The following WFS1 variants were observed in gnomAD, a reference collection of about 807,000 sequenced individuals.
The protein encoded by WFS1 is wolframin.
WFS1 carries 90 observed loss-of-function variants against 68.5 expected under a neutral mutation model. The ratio of observed to expected loss-of-function variants is 1.31; its 90% CI spans 1.11 to 1.56. The LOEUF (loss-of-function observed/expected upper bound fraction) is 1.56, where lower values mean the gene tolerates loss of function less well. Ranked by LOEUF, WFS1 falls within the 40% of genes most tolerant of loss-of-function variation. The pLI, the probability that WFS1 is intolerant of heterozygous loss-of-function variation, is 0.00. For synonymous variants in WFS1, 860 were observed against 540.7 expected (o/e 1.59, Z -8.19); for missense variants, 1,767 against 1,232.6 (o/e 1.43, Z -6.49).
intron 7 of WFS1, among the ~76,000 whole-genome samples, chr4:6,295,523 C>T (rs943792730): frequency 2.6e-5 from 4 of 152,218 alleles, no homozygotes; most frequent in Non-Finnish European, 2.9e-5. Flanking sequence ...TAGACTTCAT[C>T]ACTTAGCAGA....
At chr4:6,298,289 C>CCAAA (rs897995518) in intron 7 of WFS1, among the ~76,000 whole-genome samples, 3 of 152,190 alleles carry the variant, frequency 2.0e-5, no homozygotes, top group Non-Finnish European at 1.5e-5. Context: ...GGGGCTTGCC[C>CCAAA]CAAACAAACC....
rs550806773 is a variant in WFS1 at position 6,294,750 on chromosome 4, G to A, written c.713-291G>A. On this transcript the variant is annotated intron_variant, in intron 6 of 7. Transcript: ENST00000226760. Reference sequence around the variant, plus strand: ...ACTGGGTGAAAGGTGTGGGTGAGTGGCCCCAGGCATAAGGAGCTAGGCAGA... The same window carrying A: ...ACTGGGTGAAAGGTGTGGGTGAGTGACCCCAGGCATAAGGAGCTAGGCAGA... 13 of 441,018 alleles carry A rather than the reference G, an allele frequency of 2.9e-5. 1 individual carries two copies. Among genetic ancestry groups the A allele is most frequent in the South Asian group, 2.7e-4 (13 of 48,572 alleles). 27.3% of individuals were successfully genotyped at this position (441,018 alleles called of 1,614,324 possible).
At chr4:6,295,327 C>T (rs1318772104) in intron 7 of WFS1, 138 bp downstream of exon 7, 4 of 1,023,080 alleles carry the variant, frequency 3.9e-6, no homozygotes, top group Non-Finnish European at 5.8e-6. Context: ...GCCGCTGGTA[C>T]CTTTGGGTCA....
chr4:6,302,546 T>C lies in WFS1; in HGVS notation c.*78T>C, dbSNP rs556906228. ...CAGTGTGGCCCCAGCCCGACAGGCATGCACCAGTGCCGCCTGTGCCCACGT... is the reference window on the plus strand; with the variant it reads ...CAGTGTGGCCCCAGCCCGACAGGCACGCACCAGTGCCGCCTGTGCCCACGT... On this transcript the variant is annotated 3_prime_UTR_variant, in exon 8 of 8. Coordinates refer to ENST00000226760, the MANE Select transcript of WFS1 (RefSeq NM_006005.3). 2 of 1,592,224 alleles carry C rather than the reference T, an allele frequency of 1.3e-6. No individual in the cohort carries two copies. The highest frequency in any genetic ancestry group is 1.7e-5 in the Admixed American group (1 of 59,552).
At chr4:6,282,488 G>A (rs1349004183) in intron 2 of WFS1, among the ~76,000 whole-genome samples, 1 of 152,240 alleles carries the variant, frequency 6.6e-6, no homozygotes, top group African/African-American at 2.4e-5. Context: ...GGGAGGGAGA[G>A]GGCAGCAGCA....
At chr4:6,279,182 C>G (rs953637425) in intron 2 of WFS1, among the ~76,000 whole-genome samples, 2 of 152,244 alleles carry the variant, frequency 1.3e-5, no homozygotes, top group African/African-American at 4.8e-5. Context: ...CCCAGGGTCC[C>G]TGCCAGTAGC....
At chr4:6,284,602 G>T (rs984018155) in intron 2 of WFS1, among the ~76,000 whole-genome samples, 1 of 151,930 alleles carries the variant, frequency 6.6e-6, no homozygotes, top group African/African-American at 2.4e-5. Flanking sequence ...AGAGGTGCTG[G>T]CGTTGTGGTG....
At chr4:6,278,193 G>A (rs776107131) in intron 2 of WFS1, among the ~76,000 whole-genome samples, 3 of 152,156 alleles carry the variant, frequency 2.0e-5, no homozygotes, top group Non-Finnish European at 4.4e-5. Flanking sequence ...AGGCAGAGCT[G>A]ACTGAGGCCC....
In WFS1 at chr4:6,287,262, T is replaced by C. The variant is rs1730341867; in HGVS notation, c.315+87T>C. On this transcript the variant is annotated intron_variant, in intron 3 of 7. Coordinates refer to ENST00000226760, the MANE Select transcript of WFS1 (RefSeq NM_006005.3). The surrounding 1 kb of genome is among the most constrained non-coding windows in gnomAD (Gnocchi z 6.4). ...ACGAGCTCCACAGCCCACAGAGAAG[T>C]GTCGGTGCCTGAGATCGGGGTCAGG... 4.9e-6 allele frequency: 6 copies of C among 1,233,394 alleles called. No individual in the cohort carries two copies. Among genetic ancestry groups the C allele is most frequent in the Non-Finnish European group, 7.0e-6 (6 of 861,426 alleles). The allele number at this position is 1,233,394 out of a possible 1,614,324, so 76.4% of individuals were successfully genotyped here. A position where few individuals can be genotyped will look rare whatever the true frequency, so the allele number is the denominator to read the frequency against.
chr4:6,294,489 ATAG>A (rs71173430), intron 6 of WFS1, among the ~76,000 whole-genome samples: 15,140 of 152,034 alleles, frequency 0.1, 1,005 homozygotes, highest in Non-Finnish European at 0.14. Context: ...CAGCAGGCAC[ATAG>A]TAGGTGTGTG....
At chr4:6,294,912 TC>T (rs1730583158) in intron 6 of WFS1, 128 bp from the exon 7 acceptor site, 1 of 1,507,294 alleles carries the variant, frequency 6.6e-7, no homozygotes, top group Non-Finnish European at 9.1e-7. Context: ...AAGGGTTTCC[TC>T]CACCTGAACC....
intron 2 of WFS1, among the ~76,000 whole-genome samples, chr4:6,280,959 T>G (rs1380728464): frequency 2.6e-5 from 4 of 152,204 alleles, no homozygotes; most frequent in Non-Finnish European, 5.9e-5. Flanking sequence ...GCCACCGCCT[T>G]GACCAGGGAA....
At chr4:6,277,318 G>T in intron 1 of WFS1, 133 bp from the exon 2 acceptor site, 2 of 859,472 alleles carry the variant, frequency 2.3e-6, no homozygotes, top group Non-Finnish European at 1.9e-6. Context: ...TGTACTGAGT[G>T]TCAGCGAGAT....
chr4:6,289,272 C>T lies in WFS1; in HGVS notation c.460+141C>T, dbSNP rs181377234. 1.2e-4 allele frequency: 149 copies of T among 1,214,082 alleles called. 4 individuals carry two copies. The East Asian group carries it at 3.6e-3, about 29-fold the overall frequency. 75.2% of individuals were successfully genotyped at this position (1,214,082 alleles called of 1,614,324 possible). A position where few individuals can be genotyped will look rare whatever the true frequency, so the allele number is the denominator to read the frequency against. ...ATTTCAGTTTCTGTTTTGCTGGTGG[C>T]CTTCTCATTTTAGACACTGTTTCTG... On this transcript the variant is annotated intron_variant, in intron 4 of 7. Transcript: ENST00000226760.
At chr4:6,299,831 TGTGTATAGGGGTGGGTTGTGTGAATGC>T in intron 7 of WFS1, among the ~76,000 whole-genome samples, 1 of 124,314 alleles carries the variant, frequency 8.0e-6, no homozygotes, top group Admixed American at 8.7e-5. Context: ...TGTGTGTGAA[TGTGTATAGGGGTGGGTTGTGTGAATGC>T]GTGTGTGTAG....
At chr4:6,299,642 CGT>C (rs1475963264) in intron 7 of WFS1, among the ~76,000 whole-genome samples, 2 of 39,560 alleles carry the variant, frequency 5.1e-5, no homozygotes, top group African/African-American at 1.1e-4. Context: ...GGGTGGGTTG[CGT>C]GTGTGTGAAT....
intron 1 of WFS1, among the ~76,000 whole-genome samples, chr4:6,270,480 G>A (rs1729771164): frequency 6.6e-6 from 1 of 152,084 alleles, no homozygotes; most frequent in African/African-American, 2.4e-5. Flanking sequence ...GGGGAAGGGG[G>A]GTTCAGTCCC....
intron 6 of WFS1, 114 bp from the exon 7 acceptor site, chr4:6,294,927 T>C: frequency 1.3e-6 from 2 of 1,569,608 alleles, no homozygotes; most frequent in Non-Finnish European, 1.7e-6. Context: ...CTGAACCCAC[T>C]CAGCTCCTTT....
In WFS1 at chr4:6,283,104, A is replaced by G. The variant is rs1442258515; in HGVS notation, c.233-3989A>G. Among the ~76,000 whole-genome samples the G allele has an allele frequency of 1.3e-5, 2 of 152,230 alleles. No homozygotes were observed. Among genetic ancestry groups the G allele is most frequent in the Non-Finnish European group, 2.9e-5 (2 of 68,042 alleles). On this transcript the variant is annotated intron_variant, in intron 2 of 7. Transcript: ENST00000226760. The surrounding 1 kb of genome is among the most constrained non-coding windows in gnomAD (Gnocchi z 5.0). ...AGTGGGCTGTGCCGGGAAGGGGCGC[A>G]TCCTGGAGGATGCCCTAGGTAGTGC...
Sources: gnomAD v4.1 joint callset for allele counts (sites outside exome capture counted in the v4.1 genomes callset) on GRCh38, gnomAD v4.1.1 for gene constraint, Gnocchi (gnomAD v3.1) non-coding constraint, MANE v1.5 for transcripts, NCBI Gene and HGNC (gene_info 2026-07-23, HGNC 2026-07-21) for gene names.